Variants in CSMD1 observed in about 807,000 individuals in gnomAD.
The protein encoded by CSMD1 is CUB and sushi domain-containing protein 1.
In CSMD1, 213 loss-of-function variants were observed where a neutral mutation model predicts 417.5. That is an observed-to-expected ratio of 0.51 (90% CI 0.46 to 0.57). The LOEUF is 0.57. CSMD1 is among the 20% of genes least tolerant of loss of function. The pLI is 0.00. For missense variants in CSMD1, 6,923 were observed against 4,529.7 expected (o/e 1.53, Z -15.17); for synonymous variants, 2,862 against 1,736.8 (o/e 1.65, Z -16.11).
At chr8:3,427,990 G>A (rs1813964831) in intron 12 of CSMD1, among the ~76,000 whole-genome samples, 1 of 152,190 alleles carries the variant, frequency 6.6e-6, no homozygotes, top group Non-Finnish European at 1.5e-5. Context: ...ATGGAATTAA[G>A]CCTTAATTCC....
intron 3 of CSMD1, among the ~76,000 whole-genome samples, chr8:4,111,600 T>C (rs144020886): frequency 5.3e-4 from 81 of 152,130 alleles, no homozygotes; most frequent in African/African-American, 1.9e-3. Flanking sequence ...TAAAAAGAAA[T>C]GAAATTATGT....
intron 1 of CSMD1, among the ~76,000 whole-genome samples, chr8:4,793,256 C>G (rs1468337998): frequency 6.6e-6 from 1 of 151,968 alleles, no homozygotes; most frequent in African/African-American, 2.4e-5. Context: ...TTTACAAGAC[C>G]TAATCTATGT....
chr8:3,843,373 G>T (rs1006982231), intron 5 of CSMD1, among the ~76,000 whole-genome samples: 1 of 152,108 alleles, frequency 6.6e-6, no homozygotes, highest in African/African-American at 2.4e-5. Context: ...TGTGCTTACA[G>T]TATGTAATTA....
At chr8:3,376,055 T>C (rs1456165853) in intron 18 of CSMD1, among the ~76,000 whole-genome samples, 1 of 152,082 alleles carries the variant, frequency 6.6e-6, no homozygotes, top group African/African-American at 2.4e-5. Context: ...CTTACTTCAT[T>C]GTGTGATTTT....
At chr8:3,974,152 G>A (rs1357157629) in intron 5 of CSMD1, among the ~76,000 whole-genome samples, 2 of 151,990 alleles carry the variant, frequency 1.3e-5, no homozygotes, top group East Asian at 1.9e-4. Flanking sequence ...GTGTCTACAT[G>A]TACAGAGGCA....
chr8:4,284,697 A>C (rs936295950), intron 3 of CSMD1, among the ~76,000 whole-genome samples: 1 of 152,108 alleles, frequency 6.6e-6, no homozygotes, highest in South Asian at 2.1e-4. Flanking sequence ...ATAAAACACT[A>C]AAATTTGGAT....
Position 4,326,899 on chromosome 8 carries a change from T to C in CSMD1, c.415+93054A>G, listed in dbSNP as rs550844866. ...TGGACTATTTTACATAGACCATGTA[T>C]AGGAGGAAAAGTAAGTTAGGAGCCA... On this transcript the variant is annotated intron_variant, in intron 3 of 69. Coordinates refer to ENST00000635120, the MANE Select transcript of CSMD1 (RefSeq NM_033225.6). Among the ~76,000 whole-genome samples the C allele has an allele frequency of 3.3e-5, 5 of 152,180 alleles. No individual in the cohort carries two copies. The East Asian group carries it at 5.8e-4, about 18-fold the overall frequency.
At chr8:3,000,189 C>G in intron 52 of CSMD1, 58 bp from the exon 53 acceptor site, 1 of 1,269,788 alleles carries the variant, frequency 7.9e-7, no homozygotes, top group South Asian at 1.7e-5. Context: ...AAAAGTAGTA[C>G]ATTCACAACT....
intron 2 of CSMD1, among the ~76,000 whole-genome samples, chr8:4,524,374 G>T (rs898628148): frequency 1.3e-5 from 2 of 152,070 alleles, no homozygotes; most frequent in Non-Finnish European, 2.9e-5. Flanking sequence ...GTATTCCTCT[G>T]TTTTCAAACA....
chr8:4,357,254 A>G (rs982622339), intron 3 of CSMD1, among the ~76,000 whole-genome samples: 4 of 152,196 alleles, frequency 2.6e-5, no homozygotes, highest in African/African-American at 9.7e-5. Flanking sequence ...TTAGAGGTTC[A>G]GGGACTAAAA....
At chr8:3,956,512 A>G (rs537431393) in intron 5 of CSMD1, among the ~76,000 whole-genome samples, 1 of 152,234 alleles carries the variant, frequency 6.6e-6, no homozygotes, top group Non-Finnish European at 1.5e-5. Flanking sequence ...AATAAAGAGG[A>G]CAGGTGGAAA....
At chr8:3,940,541 ATGTGTACATAGGTTTCTT>A (rs1810810892) in intron 5 of CSMD1, among the ~76,000 whole-genome samples, 1 of 139,078 alleles carries the variant, frequency 7.2e-6, no homozygotes, top group African/African-American at 2.7e-5. Flanking sequence ...GTGTGTATGT[ATGTGTACATAGGTTTCTT>A]TGTGTGGATA....
At chr8:3,142,052 C>G (rs547809556) in intron 41 of CSMD1, among the ~76,000 whole-genome samples, 5 of 152,144 alleles carry the variant, frequency 3.3e-5, no homozygotes, top group African/African-American at 1.2e-4. Flanking sequence ...CCGCCTCGGC[C>G]TTCCAAAGTG....
At chr8:4,588,642 G>C (rs1048378241) in intron 2 of CSMD1, among the ~76,000 whole-genome samples, 1 of 151,824 alleles carries the variant, frequency 6.6e-6, no homozygotes, top group African/African-American at 2.4e-5. Flanking sequence ...AAAATTAGCC[G>C]GGCGTGGTGG....
intron 3 of CSMD1, among the ~76,000 whole-genome samples, chr8:4,402,805 T>C (rs1217768293): frequency 1.1e-3 from 69 of 65,690 alleles, no homozygotes; most frequent in African/African-American, 3.3e-3. Flanking sequence ...TTTTTCTTTT[T>C]TTTTTTTTTT....
intron 49 of CSMD1, among the ~76,000 whole-genome samples, chr8:3,072,530 T>C (rs991256902): frequency 2.4e-4 from 36 of 152,320 alleles, no homozygotes; most frequent in African/African-American, 7.5e-4. Flanking sequence ...GTCAAAATAC[T>C]TGGAAGAGCA....
chr8:4,201,494 C>A (rs185075229), intron 3 of CSMD1, among the ~76,000 whole-genome samples: 2,553 of 133,804 alleles, frequency 0.019, 42 homozygotes, highest in Non-Finnish European at 0.025. Flanking sequence ...GCCGACATAG[C>A]GCCACTGCCG....
At chr8:4,430,282 G>A (rs147781906) in intron 2 of CSMD1, among the ~76,000 whole-genome samples, 1 of 152,028 alleles carries the variant, frequency 6.6e-6, no homozygotes, top group Non-Finnish European at 1.5e-5. Context: ...TTATGTTTTG[G>A]TGCTGAAAAA....
intron 10 of CSMD1, among the ~76,000 whole-genome samples, chr8:3,509,609 T>A (rs543697584): frequency 1.3e-5 from 2 of 152,228 alleles, no homozygotes; most frequent in African/African-American, 4.8e-5. Flanking sequence ...CTAGTGGATA[T>A]AACAGATCTA....
Sources: allele counts gnomAD v4.1 joint callset (sites outside exome capture counted in the v4.1 genomes callset), GRCh38; gene constraint gnomAD v4.1.1; transcripts MANE v1.5; gene names NCBI Gene and HGNC (gene_info 2026-07-23, HGNC 2026-07-21).